Variants in RSPO3 observed in about 807,000 individuals in gnomAD.
RSPO3 encodes the protein R-spondin-3.
A neutral mutation model predicts 36.5 loss-of-function variants in RSPO3; 17 were observed. The observed-to-expected ratio is 0.47, with a 90% CI of 0.32 to 0.70. The LOEUF is 0.70. RSPO3 is among the 30% of genes least tolerant of loss of function. RSPO3 has a pLI of 0.04. For missense variants in RSPO3, 294 were observed against 322.5 expected (o/e 0.91, Z 0.68); for synonymous variants, 108 against 107.0 (o/e 1.01, Z -0.06).
chr6:127,147,895 A>G (rs940364161), intron 1 of RSPO3, among the ~76,000 whole-genome samples: 7 of 152,154 alleles, frequency 4.6e-5, no homozygotes, highest in African/African-American at 1.7e-4. Flanking sequence ...ATAAATTACC[A>G]TAAGTAGTCA....
At chr6:127,143,125 C>A (rs910614485) in intron 1 of RSPO3, among the ~76,000 whole-genome samples, 3 of 151,894 alleles carry the variant, frequency 2.0e-5, no homozygotes, top group African/African-American at 7.3e-5. Context: ...AAAAAAATAG[C>A]TTTTTTATAT....
intron 1 of RSPO3, among the ~76,000 whole-genome samples, chr6:127,123,776 A>T (rs932299647): frequency 6.6e-6 from 1 of 152,108 alleles, no homozygotes; most frequent in Non-Finnish European, 1.5e-5. Context: ...TTGCAAATAG[A>T]TAAGCTTTAC....
intron 4 of RSPO3, among the ~76,000 whole-genome samples, chr6:127,174,074 G>A (rs1774997360): frequency 6.8e-6 from 1 of 146,778 alleles, no homozygotes; most frequent in African/African-American, 2.5e-5. Flanking sequence ...TAGTTGGGTT[G>A]TCAAACATCA....
At chr6:127,165,640 T>C (rs1442543658) in intron 4 of RSPO3, among the ~76,000 whole-genome samples, 3 of 152,012 alleles carry the variant, frequency 2.0e-5, no homozygotes, top group Non-Finnish European at 4.4e-5. Context: ...TTGTCACCCT[T>C]TCCTTCCATC....
chr6:127,194,652 C>T (rs1040997880), intron 4 of RSPO3, among the ~76,000 whole-genome samples: 1 of 152,240 alleles, frequency 6.6e-6, no homozygotes, highest in Non-Finnish European at 1.5e-5. Flanking sequence ...CCCAGCATTT[C>T]TCCAATGCCG....
chr6:127,136,863 G>A (rs1188969620), intron 1 of RSPO3, among the ~76,000 whole-genome samples: 3 of 152,096 alleles, frequency 2.0e-5, no homozygotes, highest in Non-Finnish European at 4.4e-5. Context: ...CTTTATTATA[G>A]ATGAGAGTCT....
At chr6:127,155,887 T>C (rs1313201722) in intron 4 of RSPO3, among the ~76,000 whole-genome samples, 3 of 151,404 alleles carry the variant, frequency 2.0e-5, no homozygotes, top group Non-Finnish European at 4.4e-5. Context: ...TATATATATA[T>C]ATATACACAC....
rs138144202 is a variant in RSPO3, at chr6:127,199,451, TTAA to T, written c.*3450_*3452del. 0.048 allele frequency among the ~76,000 whole-genome samples: 7,354 copies of T among 152,242 alleles called. 192 individuals carry two copies. Among genetic ancestry groups the T allele is most frequent in the African/African-American group, 0.063 (2,634 of 41,526 alleles). The stretch of plus-strand genomic sequence containing the variant: ...ATATGTGAGAATCATGGAAATGAAA[TTAA>T]TAATATTAACTAGTAATTAAATTGT... On this transcript the variant is annotated 3_prime_UTR_variant, in exon 5 of 5. Transcript: ENST00000356698.
At chr6:127,187,032 T>G (rs948452967) in intron 4 of RSPO3, among the ~76,000 whole-genome samples, 1 of 152,180 alleles carries the variant, frequency 6.6e-6, no homozygotes, top group Non-Finnish European at 1.5e-5. Context: ...AAATATTTAA[T>G]AAGTTCCATA....
At chr6:127,120,052 C>G (rs1331885725) in intron 1 of RSPO3, 2 of 152,310 alleles carry the variant, frequency 1.3e-5, no homozygotes, top group Admixed American at 6.5e-5. Context: ...CTGGGACACA[C>G]ACGTACAGAG....
At chr6:127,125,625 G>A (rs1432776873) in intron 1 of RSPO3, among the ~76,000 whole-genome samples, 1 of 152,114 alleles carries the variant, frequency 6.6e-6, no homozygotes, top group Non-Finnish European at 1.5e-5. Context: ...TAAAGATTGA[G>A]TACAAACAAA....
At chr6:127,126,036 G>C (rs572177671) in intron 1 of RSPO3, among the ~76,000 whole-genome samples, 1 of 152,206 alleles carries the variant, frequency 6.6e-6, no homozygotes, top group Non-Finnish European at 1.5e-5. Context: ...GCAATTAATT[G>C]CATATGAAAG....
At chr6:127,168,291 C>A (rs967160366) in intron 4 of RSPO3, among the ~76,000 whole-genome samples, 2 of 152,106 alleles carry the variant, frequency 1.3e-5, no homozygotes, top group African/African-American at 4.8e-5. Context: ...TAATGATCAC[C>A]ATTCTAACTG....
chr6:127,156,850 T>C (rs771342139), intron 4 of RSPO3, among the ~76,000 whole-genome samples: 4 of 152,234 alleles, frequency 2.6e-5, no homozygotes, highest in Admixed American at 6.5e-5. Context: ...AACTTGAACA[T>C]TGCTTATACA....
At chr6:127,175,944 T>C (rs1197784709) in intron 4 of RSPO3, among the ~76,000 whole-genome samples, 1 of 151,812 alleles carries the variant, frequency 6.6e-6, no homozygotes, top group Non-Finnish European at 1.5e-5. Context: ...TTATAAGAAT[T>C]GTGTATTTAC....
intron 1 of RSPO3, among the ~76,000 whole-genome samples, chr6:127,144,640 C>CTTTTTTTTTTTTTTTTT (rs140423963): frequency 2.9e-4 from 18 of 61,328 alleles, no homozygotes; most frequent in African/African-American, 7.4e-4. Flanking sequence ...GTAGCTTCCC[C>CTTTTTTTTTTTTTTTTT]TTGTTTTTTT....
chr6:127,194,699 T>A (rs553417041), intron 4 of RSPO3, among the ~76,000 whole-genome samples: 1 of 152,344 alleles, frequency 6.6e-6, no homozygotes, highest in Admixed American at 6.5e-5. Flanking sequence ...GGCTCCCTGT[T>A]GGCTACAATA....
chr6:127,177,475 A>G (rs1775078681), intron 4 of RSPO3, among the ~76,000 whole-genome samples: 1 of 151,846 alleles, frequency 6.6e-6, no homozygotes, highest in Admixed American at 6.6e-5. Flanking sequence ...TGTTGGGAAG[A>G]CAACAGGATT....
Position 127,149,607 on chromosome 6 carries a change from C to T in RSPO3, c.289+768C>T, listed in dbSNP as rs539462659. Among the ~76,000 whole-genome samples, 3 of 152,122 alleles carry T rather than the reference C, an allele frequency of 2.0e-5. No individual in the cohort carries two copies. The South Asian group carries it at 6.2e-4, about 32-fold the overall frequency. ...GATCATCCTATCCAAAATAATCAGC[C>T]TGTTCCCCTTGTCAACCACCCTCCA... On this transcript the variant is annotated intron_variant, in intron 2 of 4. Coordinates refer to ENST00000356698, the MANE Select transcript of RSPO3 (RefSeq NM_032784.5).
Sources: allele counts gnomAD v4.1 joint callset (sites outside exome capture counted in the v4.1 genomes callset), GRCh38; gene constraint gnomAD v4.1.1; transcripts MANE v1.5; gene names NCBI Gene and HGNC (gene_info 2026-07-23, HGNC 2026-07-21).